The following AMBN variants were observed in gnomAD, a reference collection of about 807,000 sequenced individuals.
The protein encoded by AMBN is ameloblastin, also known as enamel matrix protein.
In AMBN, 54 loss-of-function variants were observed where a neutral mutation model predicts 48.0. That is an observed-to-expected ratio of 1.12 (90% CI 0.90 to 1.41). The LOEUF is 1.41. AMBN is among the 40% of genes most tolerant of loss of function. The pLI, the probability that AMBN is intolerant of heterozygous loss-of-function variation, is 0.00. For synonymous variants in AMBN, 186 were observed against 190.0 expected, an observed-to-expected ratio of 0.98 and a Z score of 0.17; for missense variants, 571 against 547.3, an observed-to-expected ratio of 1.04 and a Z score of -0.43.
intron 12 of AMBN, 111 bp from the exon 13 acceptor site, chr4:70,606,074 T>C (rs1737635430): frequency 7.8e-7 from 1 of 1,289,974 alleles, no homozygotes; most frequent in Non-Finnish European, 1.1e-6. Flanking sequence ...GCCAACTTCC[T>C]ATTCTCCACC....
intron 9 of AMBN, 64 bp downstream of exon 9, chr4:70,603,074 A>G: frequency 2.0e-6 from 3 of 1,527,126 alleles, no homozygotes; most frequent in Non-Finnish European, 2.7e-6. Flanking sequence ...AAAAAATAAG[A>G]GTGAATTTTT....
At position 70,598,322 on chromosome 4, in the gene AMBN, C is replaced by T. The variant is rs776396880; in HGVS notation, c.136-34C>T. The T allele has an allele frequency of 1.2e-5, 19 of 1,520,950 alleles. No homozygotes were observed. The East Asian group carries it at 2.7e-4, about 21-fold the overall frequency. 94.2% of individuals were successfully genotyped at this position (1,520,950 alleles called of 1,614,324 possible). A position where few individuals can be genotyped will look rare whatever the true frequency, so the allele number is the denominator to read the frequency against. ...TCAGTTGTGTCAAACACAGCATATG[C>T]GATAAACAGTAACCCACTTTTTTTT... is the stretch of plus-strand genomic sequence containing the variant. On this transcript the variant is annotated intron_variant, in intron 3 of 12. Coordinates refer to ENST00000322937, the MANE Select transcript of AMBN (RefSeq NM_016519.6).
At chr4:70,603,516 T>C (rs111733033) in intron 11 of AMBN, 56 bp downstream of exon 11, 1 of 1,539,014 alleles carries the variant, frequency 6.5e-7, no homozygotes, top group Non-Finnish European at 8.8e-7. Context: ...TCTTAAGAGC[T>C]AAAATTCAAA....
Position 70,606,509 on chromosome 4 carries a change from C to A in AMBN, c.1123C>A (p.Leu375Ile). 1 of 1,614,070 alleles carries A rather than the reference C, an allele frequency of 6.2e-7. No homozygotes were observed. The highest frequency in any genetic ancestry group is 2.2e-5 in the East Asian group (1 of 44,840). The change falls in exon 13 of 13, where the codon CTC becomes ATC. Residue 375 changes from leucine (L) to isoleucine (I), a missense_variant. Coordinates refer to ENST00000322937, the MANE Select transcript of AMBN (RefSeq NM_016519.6). The stretch of plus-strand genomic sequence containing the variant: ...GAGCCCTTCAGGGAAGATGAAGGGA[C>A]TCCCCAGCGTCACCCCAGCAGCTGC... ...PRSPSGKMKG[L>I]PSVTPAAADP... is the part of the protein sequence containing the mutation.
intron 5 of AMBN, 105 bp from the exon 6 acceptor site, chr4:70,601,313 T>C (rs1459349420): frequency 1.8e-6 from 2 of 1,125,844 alleles, no homozygotes. Flanking sequence ...TCTCCTAGCC[T>C]CCCTTCCAGA....
chr4:70,606,784 C>T lies in AMBN; in HGVS notation c.*54C>T, dbSNP rs1233883990. ...ATGCACAAGCTTCCCAGCTTTGTCC[C>T]CACAGTGTACCTTTTTGCTAAAACA... On this transcript the variant is annotated 3_prime_UTR_variant, in exon 13 of 13. Coordinates refer to ENST00000322937, the MANE Select transcript of AMBN (RefSeq NM_016519.6). The T allele has an allele frequency of 2.6e-6, 4 of 1,537,998 alleles. No individual in the cohort carries two copies. In the African/African-American group the frequency reaches 5.5e-5, roughly 21 times the overall value.
At chr4:70,595,431 C>T (rs1737366105) in intron 2 of AMBN, among the ~76,000 whole-genome samples, 1 of 152,108 alleles carries the variant, frequency 6.6e-6, no homozygotes, top group East Asian at 1.9e-4. Context: ...ATGATTTGCC[C>T]ACCTCAGCCT....
At position 70,601,460 on chromosome 4, in the gene AMBN, C is replaced by A; in HGVS notation, c.337C>A (p.Gln113Lys). The change falls in exon 6 of 13, where the codon CAG becomes AAG. Residue 113 changes from glutamine (Q) to lysine (K), a missense_variant. By Grantham distance (53) the Gln-to-Lys change is moderately conservative. Coordinates refer to ENST00000322937, the MANE Select transcript of AMBN (RefSeq NM_016519.6). ...LPVHPPPLPS[Q>K]PSLKPQQPGL... ...TGTGCATCCCCCACCTCTCCCATCA[C>A]AGCCATCCTTGAAGCCTCAACAGCC... The A allele has an allele frequency of 1.2e-6, 2 of 1,614,204 alleles. No individual in the cohort carries two copies. The highest frequency in any genetic ancestry group is 1.7e-6 in the Non-Finnish European group (2 of 1,180,006).
intron 2 of AMBN, among the ~76,000 whole-genome samples, chr4:70,593,968 T>G (rs1190471472): frequency 6.6e-6 from 1 of 152,050 alleles, no homozygotes; most frequent in African/African-American, 2.4e-5. Context: ...TCATTCAAAG[T>G]TAAAAGCTTA....
At position 70,602,659 on chromosome 4, in the gene AMBN, A is replaced by G; in HGVS notation, c.567A>G (p.Pro189=). ...PGVDFADPQG[P]SLPGMDFPDP... ...TAGATTTTGCTGATCCACAAGGTCCATCAGTAAGTACAGATCTCAATGAGA... is the reference window on the plus strand; with the variant it reads ...TAGATTTTGCTGATCCACAAGGTCCGTCAGTAAGTACAGATCTCAATGAGA... Residue 189 remains proline, a synonymous_variant, in exon 7 of 13, where the codon CCA becomes CCG. Coordinates refer to ENST00000322937, the MANE Select transcript of AMBN (RefSeq NM_016519.6). 2 of 1,574,238 alleles carry G rather than the reference A, an allele frequency of 1.3e-6. No individual in the cohort carries two copies. Among genetic ancestry groups the G allele is most frequent in the East Asian group, 2.3e-5 (1 of 44,346 alleles).
intron 12 of AMBN, among the ~76,000 whole-genome samples, chr4:70,604,457 A>G (rs7694409): frequency 0.2 from 30,571 of 152,150 alleles, 3,265 homozygotes; most frequent in Admixed American, 0.29. Flanking sequence ...ATTTGAGATC[A>G]ATAAAGTCAT....
chr4:70,598,896 T>G (rs1221485566), intron 4 of AMBN, among the ~76,000 whole-genome samples: 1 of 151,428 alleles, frequency 6.6e-6, no homozygotes, highest in African/African-American at 2.4e-5. Context: ...TGTCTCAGCC[T>G]CCCAAGTAGC....
chr4:70,602,496 T>C (rs1234276885), intron 6 of AMBN, 128 bp from the exon 7 acceptor site: 1 of 650,906 alleles, frequency 1.5e-6, no homozygotes, highest in African/African-American at 1.9e-5. Flanking sequence ...ATTTTAATTG[T>C]TTTATTGTAA....
In AMBN at chr4:70,599,594, C is replaced by T; in HGVS notation, c.242C>T (p.Pro81Leu). The T allele has an allele frequency of 1.2e-6, 2 of 1,613,686 alleles. No homozygotes were observed. The highest frequency in any genetic ancestry group is 1.7e-6 in the Non-Finnish European group (2 of 1,179,822). ...FNSLWMHGLL[P>L]PHSSLPWMRP... ...TCTTTGTGGATGCACGGTCTCCTCC[C>T]ACCACATTCCTCTCTTCCATGGATG... The change falls in exon 5 of 13, where the codon CCA (proline) becomes CTA (leucine). Residue 81 changes from proline to leucine, a missense_variant. Transcript: ENST00000322937.
chr4:70,604,776 C>T (rs7674598), intron 12 of AMBN, among the ~76,000 whole-genome samples: 79,103 of 151,206 alleles, frequency 0.52, 20,778 homozygotes, highest in Admixed American at 0.55. Flanking sequence ...ATGGATCACC[C>T]GAGATCAGGA....
intron 12 of AMBN, 44 bp downstream of exon 12, chr4:70,603,965 A>G: frequency 6.3e-7 from 1 of 1,592,658 alleles, no homozygotes; most frequent in Admixed American, 1.7e-5. Flanking sequence ...TGGCCAGGGA[A>G]GAACAGTCAC....
chr4:70,602,581 T>A (rs759170710), intron 6 of AMBN, 43 bp from the exon 7 acceptor site: 1 of 1,430,544 alleles, frequency 7.0e-7, no homozygotes, highest in South Asian at 1.4e-5. Context: ...GTCTATTTTG[T>A]TTATTTTTTG....
In AMBN at chr4:70,606,251, T is replaced by A; in HGVS notation, c.865T>A (p.Phe289Ile). Reference sequence around the variant, plus strand: ...AGGATTTGGAGGCATGAGGCCCGGCTTTGAGGGAATGCCCCACAACCCAGC... The same window carrying A: ...AGGATTTGGAGGCATGAGGCCCGGCATTGAGGGAATGCCCCACAACCCAGC... Reference protein sequence around the residue: ...FPGFGGMRPGFEGMPHNPAMG... With the variant: ...FPGFGGMRPGIEGMPHNPAMG... Residue 289 changes from phenylalanine to isoleucine, a missense_variant, in exon 13 of 13, where the codon TTT becomes ATT. Phe to Ile is a conservative substitution (Grantham distance 21). Coordinates refer to ENST00000322937, the MANE Select transcript of AMBN (RefSeq NM_016519.6). 1.2e-6 allele frequency: 2 copies of A among 1,614,150 alleles called. No individual in the cohort carries two copies. The highest frequency in any genetic ancestry group is 1.7e-6 in the Non-Finnish European group (2 of 1,180,002).
chr4:70,597,045 T>C lies in AMBN; in HGVS notation c.131T>C (p.Leu44Pro). Residue 44 changes from leucine (L) to proline (P), a missense_variant, in exon 3 of 13, where the codon CTT becomes CCT. Coordinates refer to ENST00000322937, the MANE Select transcript of AMBN (RefSeq NM_016519.6). ...ACACCGGGTATGGCTAGTTTGAGCCTTGAGGTATGTATTGTCAGAATTTTT... is the reference window on the plus strand; with the variant it reads ...ACACCGGGTATGGCTAGTTTGAGCCCTGAGGTATGTATTGTCAGAATTTTT... Reference protein sequence around the residue: ...SGTPGMASLSLETMRQLGSLQ... With the variant: ...SGTPGMASLSPETMRQLGSLQ... 6.2e-7 allele frequency: 1 copy of C among 1,612,850 alleles called. No individual in the cohort carries two copies. The highest frequency in any genetic ancestry group is 1.1e-5 in the South Asian group (1 of 90,974).
Sources: allele counts gnomAD v4.1 joint callset (sites outside exome capture counted in the v4.1 genomes callset), GRCh38; gene constraint gnomAD v4.1.1; transcripts MANE v1.5; gene names NCBI Gene and HGNC (gene_info 2026-07-23, HGNC 2026-07-21).